Variants in SGSM1 observed in about 807,000 individuals in gnomAD.
SGSM1 encodes the protein RUN and TBC1 domain containing 2.
A neutral mutation model predicts 133.8 loss-of-function variants in SGSM1; 73 were observed. The observed-to-expected ratio is 0.55, with a 90% CI of 0.45 to 0.66. The LOEUF is 0.66. Among genes scored for constraint, SGSM1 ranks in the 30% least tolerant of loss-of-function variants. The probability of loss-of-function intolerance (pLI) is 0.00; values close to 1 mark genes in which losing one functional copy is unlikely to be tolerated. For synonymous variants in SGSM1, 563 were observed against 573.0 expected, an observed-to-expected ratio of 0.98 and a Z score of 0.25; for missense variants, 1,213 against 1,448.1, an observed-to-expected ratio of 0.84 and a Z score of 2.64.
intron 14 of SGSM1, among the ~76,000 whole-genome samples, chr22:24,883,492 C>T (rs999476747): frequency 2.0e-5 from 3 of 152,156 alleles, no homozygotes; most frequent in Non-Finnish European, 2.9e-5. Flanking sequence ...AATGCTTTGG[C>T]TTAGAGCAGA....
chr22:24,893,074 G>C lies in SGSM1; in HGVS notation c.1771-357G>C, dbSNP rs12484667. Among the ~76,000 whole-genome samples the C allele has an allele frequency of 6.6e-3, 956 of 144,994 alleles. 28 individuals are homozygous for C. Among genetic ancestry groups the C allele is most frequent in the East Asian group, 0.059 (268 of 4,508 alleles). ...GTCAAGAAAGAAAGGAAGGAAGGAA[G>C]GAAGCGGAGGGGGGGGAGGGAAAGA... On this transcript the variant is annotated intron_variant, in intron 16 of 24. Coordinates refer to ENST00000400358, the MANE Select transcript of SGSM1 (RefSeq NM_001098497.3).
At chr22:24,918,369 GC>G (rs1461510632) in intron 23 of SGSM1, among the ~76,000 whole-genome samples, 1 of 151,854 alleles carries the variant, frequency 6.6e-6, no homozygotes, top group Non-Finnish European at 1.5e-5. Context: ...GGTGGCACAT[GC>G]CTATAGTTTC....
In SGSM1 at chr22:24,904,389, G is replaced by A. The variant is rs181060141; in HGVS notation, c.2736-716G>A. Reference sequence around the variant, plus strand: ...AGGTCAGGAGATCGAGACCATCCTGGCTAACATGGTGAAATCCCATCTCTA... The same window carrying A: ...AGGTCAGGAGATCGAGACCATCCTGACTAACATGGTGAAATCCCATCTCTA... On this transcript the variant is annotated intron_variant, in intron 20 of 24. Transcript: ENST00000400358. Among the ~76,000 whole-genome samples the A allele has an allele frequency of 4.9e-3, 741 of 152,126 alleles. 8 individuals carry two copies. The highest frequency in any genetic ancestry group is 0.017 in the African/African-American group (699 of 41,512).
intron 21 of SGSM1, among the ~76,000 whole-genome samples, chr22:24,910,958 A>G (rs1933595450): frequency 6.6e-6 from 1 of 151,848 alleles, no homozygotes; most frequent in Non-Finnish European, 1.5e-5. Flanking sequence ...ATAAATAAAT[A>G]AAATAAAATA....
At chr22:24,879,402 C>T (rs1932198635) in intron 13 of SGSM1, 60 bp from the exon 14 acceptor site, 3 of 1,561,178 alleles carry the variant, frequency 1.9e-6, no homozygotes, top group Admixed American at 1.7e-5. Flanking sequence ...TTATCCTCTC[C>T]AGAAAATCTG....
chr22:24,850,810 T>G (rs1014684546), intron 5 of SGSM1, among the ~76,000 whole-genome samples: 3 of 152,176 alleles, frequency 2.0e-5, no homozygotes, highest in Non-Finnish European at 4.4e-5. Context: ...TGCAAATGCA[T>G]GGTGAGGCTG....
chr22:24,850,032 G>T (rs895162790), intron 4 of SGSM1, among the ~76,000 whole-genome samples: 6 of 152,122 alleles, frequency 3.9e-5, no homozygotes, highest in African/African-American at 1.4e-4. Context: ...GGAGAGAGAG[G>T]TGGGGGGTAT....
At chr22:24,815,173 T>A (rs1206926060) in intron 2 of SGSM1, among the ~76,000 whole-genome samples, 1 of 152,206 alleles carries the variant, frequency 6.6e-6, no homozygotes, top group Admixed American at 6.5e-5. Flanking sequence ...CAGTAACAGT[T>A]CCTTTTGCAG....
chr22:24,828,832 C>T (rs1482032219), intron 2 of SGSM1, among the ~76,000 whole-genome samples: 5 of 152,154 alleles, frequency 3.3e-5, no homozygotes, highest in African/African-American at 4.8e-5. Context: ...CTTAAATGCC[C>T]ATCAGTGGTA....
chr22:24,841,106 T>C lies in SGSM1; in HGVS notation c.64-3791T>C, dbSNP rs539036576. Among the ~76,000 whole-genome samples, 12 of 152,330 alleles carry C rather than the reference T, an allele frequency of 7.9e-5. No individual in the cohort carries two copies. In the South Asian group the frequency reaches 2.1e-3, roughly 26 times the overall value. On this transcript the variant is annotated intron_variant, in intron 2 of 24. Transcript: ENST00000400358. ...ACCTTGTGATCCGCCCGCCTTGGCC[T>C]CCCAAAGTGCTGGGATTACAGGCGT...
At chr22:24,857,696 C>T (rs1489053366) in intron 8 of SGSM1, among the ~76,000 whole-genome samples, 2 of 152,162 alleles carry the variant, frequency 1.3e-5, no homozygotes, top group Non-Finnish European at 2.9e-5. Flanking sequence ...CCTCATTTTT[C>T]CACACATTGT....
intron 2 of SGSM1, among the ~76,000 whole-genome samples, chr22:24,820,370 TCACAGGACAATG>T (rs1928396669): frequency 6.6e-6 from 1 of 152,150 alleles, no homozygotes; most frequent in Non-Finnish European, 1.5e-5. Context: ...CCTCACACTG[TCACAGGACAATG>T]CTGGTGCCTA....
At chr22:24,890,045 C>G (rs1406011015) in intron 16 of SGSM1, among the ~76,000 whole-genome samples, 1 of 150,916 alleles carries the variant, frequency 6.6e-6, no homozygotes, top group East Asian at 1.9e-4. Context: ...CAAGCTCTGC[C>G]TGCTGGGTTC....
At position 24,917,697 on chromosome 22, in the gene SGSM1, G is replaced by A; in HGVS notation, c.2968G>A (p.Gly990Arg). 1.9e-6 allele frequency: 3 copies of A among 1,613,970 alleles called. No homozygotes were observed. Among genetic ancestry groups the A allele is most frequent in the Admixed American group, 1.7e-5 (1 of 59,990 alleles). ...SELFELMHQN[G>R]DYTHFYFCYR... is the part of the protein sequence containing the mutation. ...GCTGTTTGAGCTGATGCATCAGAAC[G>A]GGGACTATACTCACTTCTACTTCTG... Residue 990 changes from glycine (G) to arginine (R), a missense_variant, in exon 23 of 25, where the codon GGG becomes AGG. Gly to Arg is a moderately radical substitution (Grantham distance 125, BLOSUM62 -2). Coordinates refer to ENST00000400358, the MANE Select transcript of SGSM1 (RefSeq NM_001098497.3).
intron 22 of SGSM1, among the ~76,000 whole-genome samples, chr22:24,914,472 T>TG (rs1322404969): frequency 1.0e-4 from 15 of 146,648 alleles, no homozygotes; most frequent in African/African-American, 3.5e-4. Flanking sequence ...CGAGACTCTG[T>TG]CCCCCCCCCC....
At chr22:24,836,923 G>T (rs1185383212) in intron 2 of SGSM1, among the ~76,000 whole-genome samples, 1 of 152,176 alleles carries the variant, frequency 6.6e-6, no homozygotes, top group Non-Finnish European at 1.5e-5. Context: ...TTTTAACTTT[G>T]CTGTCCAGTT....
chr22:24,837,782 C>T (rs1221792555), intron 2 of SGSM1, among the ~76,000 whole-genome samples: 3 of 152,192 alleles, frequency 2.0e-5, no homozygotes, highest in Non-Finnish European at 4.4e-5. Context: ...CACTATGTCC[C>T]CTCAGCTCCT....
At chr22:24,922,697 C>T (rs376556625) in intron 24 of SGSM1, among the ~76,000 whole-genome samples, 1 of 152,026 alleles carries the variant, frequency 6.6e-6, no homozygotes, top group East Asian at 2.0e-4. Flanking sequence ...AGGATGGTCT[C>T]GATCTCCTGA....
intron 10 of SGSM1, 123 bp downstream of exon 10, chr22:24,867,283 C>G: frequency 2.3e-6 from 2 of 874,412 alleles, no homozygotes; most frequent in Non-Finnish European, 3.7e-6. Context: ...GTTACCTGTG[C>G]AACCTTAGGC....
Sources: gnomAD v4.1 joint callset for allele counts (sites outside exome capture counted in the v4.1 genomes callset) on GRCh38, gnomAD v4.1.1 for gene constraint, MANE v1.5 for transcripts, NCBI Gene and HGNC (gene_info 2026-07-23, HGNC 2026-07-21) for gene names.